ARHGEF11: variants seen among roughly 807,000 people sequenced by gnomAD.
ARHGEF11 encodes the protein Rho guanine exchange factor (GEF) 11.
ARHGEF11 carries 55 observed loss-of-function variants against 193.7 expected under a neutral mutation model. That is an observed-to-expected ratio of 0.28 (90% CI 0.23 to 0.36). The LOEUF (loss-of-function observed/expected upper bound fraction) is 0.36. ARHGEF11 is among the 10% of genes least tolerant of loss of function. The pLI, the probability that ARHGEF11 is intolerant of heterozygous loss-of-function variation, is 1.00. For synonymous variants in ARHGEF11, 693 were observed against 768.0 expected, an observed-to-expected ratio of 0.90 and a Z score of 1.62; for missense variants, 1,723 against 2,005.6, an observed-to-expected ratio of 0.86 and a Z score of 2.69.
chr1:156,941,377 G>A lies in ARHGEF11; in HGVS notation c.3509C>T (p.Pro1170Leu). 1 of 1,613,524 alleles carries A rather than the reference G, an allele frequency of 6.2e-7. No homozygotes were observed. Among genetic ancestry groups the A allele is most frequent in the Non-Finnish European group, 8.5e-7 (1 of 1,179,638 alleles). The change falls in exon 35 of 41, where the codon CCT becomes CTT. Residue 1170 changes from proline (P) to leucine (L), a missense_variant. Around this residue, in one of 5 missense-constraint regions of ARHGEF11, gnomAD observed 203 missense variants for 237.3 expected, o/e 0.86. Transcript: ENST00000368194. The part of the protein sequence containing the change: ...FHGEPEPEEL[P>L]GGTGSQQRVQ... ...GGACAGTTCAGGGCCCTTACCTCCA[G>A]GCAGCTCCTCAGGTTCAGGTTCACC...
intron 11 of ARHGEF11, among the ~76,000 whole-genome samples, chr1:156,967,289 G>A (rs1171959516): frequency 1.3e-5 from 2 of 152,204 alleles, no homozygotes; most frequent in Non-Finnish European, 2.9e-5. Context: ...TGAATATTTA[G>A]ATGTCTAACA....
At position 156,986,096 on chromosome 1, in the gene ARHGEF11, G is replaced by C; in HGVS notation, c.110C>G (p.Ala37Gly). The C allele has an allele frequency of 6.2e-7, 1 of 1,613,800 alleles. No individual in the cohort carries two copies. The highest frequency in any genetic ancestry group is 8.5e-7 in the Non-Finnish European group (1 of 1,179,778). ...SPSHHRQPSD[A>G]SETTGLVQRC... Reference sequence around the variant, plus strand: ...AAGGAGGTTACCTGTTGTCTCAGAGGCATCCGAAGGCTGGCGATGGTGGGA... The same window carrying C: ...AAGGAGGTTACCTGTTGTCTCAGAGCCATCCGAAGGCTGGCGATGGTGGGA... The change falls in exon 2 of 41, where the codon GCC becomes GGC. Residue 37 changes from alanine (A) to glycine (G), a missense_variant. By Grantham distance (60) the Ala-to-Gly change is moderately conservative (BLOSUM62 0). Transcript: ENST00000368194.
At chr1:157,016,219 G>C (rs1323217792) in intron 1 of ARHGEF11, among the ~76,000 whole-genome samples, 5 of 151,922 alleles carry the variant, frequency 3.3e-5, no homozygotes, top group Non-Finnish European at 2.9e-5. Context: ...TAATATTACT[G>C]TTTTTATTTA....
intron 1 of ARHGEF11, among the ~76,000 whole-genome samples, chr1:157,012,440 T>G (rs571256516): frequency 2.0e-5 from 3 of 152,324 alleles, no homozygotes; most frequent in Admixed American, 1.3e-4. Flanking sequence ...TAAAAATCAC[T>G]TAACCATATA....
At chr1:157,039,065 A>G (rs1324386193) in intron 1 of ARHGEF11, among the ~76,000 whole-genome samples, 4 of 152,122 alleles carry the variant, frequency 2.6e-5, no homozygotes, top group African/African-American at 4.8e-5. Flanking sequence ...TTCCAATTCT[A>G]TTAGGGGCCA....
intron 13 of ARHGEF11, among the ~76,000 whole-genome samples, chr1:156,962,841 T>C (rs1283801826): frequency 2.4e-5 from 3 of 125,626 alleles, no homozygotes; most frequent in African/African-American, 9.4e-5. Context: ...ATCGCGCCAC[T>C]GCACTCCAGC....
chr1:156,942,770 G>A lies in ARHGEF11; in HGVS notation c.3246C>T (p.Ala1082=). Residue 1082 remains alanine (A), a synonymous_variant, in exon 33 of 41, where the codon GCC becomes GCT. Coordinates refer to ENST00000368194, the MANE Select transcript of ARHGEF11 (RefSeq NM_198236.3). ...LIRSVATDKR[A]FFIICTSKLG... ...GCTTGGAGGTGCAGATGATGAAGAA[G>A]GCCCGTTTATCTGTGTGAGGAAAGG... The A allele has an allele frequency of 6.2e-7, 1 of 1,614,086 alleles. No individual in the cohort carries two copies.
chr1:156,947,232 C>G (rs1156238431), intron 26 of ARHGEF11, 72 bp downstream of exon 26: 4 of 1,549,518 alleles, frequency 2.6e-6, no homozygotes, highest in Non-Finnish European at 3.5e-6. Flanking sequence ...GAGGTCCTGG[C>G]AGTGGGGCCA....
In ARHGEF11 at chr1:156,943,917, G is replaced by A; in HGVS notation, c.3235+18C>T. On this transcript the variant is annotated intron_variant, in intron 32 of 40. Transcript: ENST00000368194. ...GGTCCCTGAGCCCCAGGCCAGCCTG[G>A]ACCATCTCCCCAGGTACCTGTGGCC... The A allele has an allele frequency of 1.2e-6, 2 of 1,603,042 alleles. No homozygotes were observed. Among genetic ancestry groups the A allele is most frequent in the Admixed American group, 1.7e-5 (1 of 59,282 alleles).
At chr1:156,937,217 G>A (rs759579065) in intron 39 of ARHGEF11, 32 bp downstream of exon 39, 2 of 1,613,164 alleles carry the variant, frequency 1.2e-6, no homozygotes, top group Admixed American at 3.3e-5. Context: ...TGGACTGAAG[G>A]CCTGCAGGGA....
At position 157,044,551 on chromosome 1, in the gene ARHGEF11, T is replaced by TA. The variant is rs1202775496; in HGVS notation, c.-222dup. 1.3e-4 allele frequency: 52 copies of TA among 403,144 alleles called. No individual in the cohort carries two copies. Among genetic ancestry groups the TA allele is most frequent in the South Asian group, 5.6e-4 (6 of 10,648 alleles). The allele number at this position is 403,144 out of a possible 1,614,324, so 25.0% of individuals were successfully genotyped here. On this transcript the variant is annotated 5_prime_UTR_variant, in exon 1 of 41. Transcript: ENST00000368194. ...CAGCCCCTCTTCCCCTCCCCCGCTT[T>TA]AAAAAAAAAGAAAAGAAAAGAAAAA...
chr1:156,967,680 T>C (rs1661881585), intron 11 of ARHGEF11, among the ~76,000 whole-genome samples: 2 of 152,162 alleles, frequency 1.3e-5, no homozygotes, highest in Admixed American at 1.3e-4. Context: ...GGAGAAACAC[T>C]GCCTAAACCT....
At chr1:156,965,432 C>A (rs1221946170) in intron 11 of ARHGEF11, among the ~76,000 whole-genome samples, 1 of 152,198 alleles carries the variant, frequency 6.6e-6, no homozygotes, top group Non-Finnish European at 1.5e-5. Context: ...AGTAACAAGG[C>A]TAGCCCTTGA....
chr1:156,977,987 C>T (rs1663506158), intron 6 of ARHGEF11, among the ~76,000 whole-genome samples: 1 of 152,210 alleles, frequency 6.6e-6, no homozygotes, highest in Middle Eastern at 3.2e-3. Flanking sequence ...TGTGATAAAA[C>T]CTCATATGCA....
chr1:156,936,926 A>T lies in ARHGEF11; in HGVS notation c.4520T>A (p.Phe1507Tyr), dbSNP rs150545454. Residue 1507 changes from phenylalanine to tyrosine, a missense_variant, in exon 40 of 41, where the codon TTC (phenylalanine) becomes TAC (tyrosine). Coordinates refer to ENST00000368194, the MANE Select transcript of ARHGEF11 (RefSeq NM_198236.3). Reference sequence around the variant, plus strand: ...TGTCCATCTAGCTGCTTCTGTGTGGAAACTGCCCACAGGCGTGGTGCCACC... The same window carrying T: ...TGTCCATCTAGCTGCTTCTGTGTGGTAACTGCCCACAGGCGTGGTGCCACC... ...SSGGTTPVGS[F>Y]HTEAARWTDG... is the part of the protein sequence containing the mutation. 1.9e-5 allele frequency: 31 copies of T among 1,613,860 alleles called. No homozygotes were observed. The African/African-American group carries it at 4.0e-4, about 21-fold the overall frequency.
chr1:157,020,617 C>T (rs1331067056), intron 1 of ARHGEF11, among the ~76,000 whole-genome samples: 1 of 152,224 alleles, frequency 6.6e-6, no homozygotes, highest in Non-Finnish European at 1.5e-5. Flanking sequence ...TCCAAACACA[C>T]ATATTAATGG....
At chr1:156,967,846 A>G in intron 11 of ARHGEF11, 141 bp downstream of exon 11, 1 of 1,052,320 alleles carries the variant, frequency 9.5e-7, no homozygotes. Context: ...TTTGCTCTCT[A>G]TGTAAGTGAC....
At chr1:156,942,639 C>T (rs1349327443) in intron 33 of ARHGEF11, 51 bp downstream of exon 33, 7 of 1,543,382 alleles carry the variant, frequency 4.5e-6, no homozygotes, top group Non-Finnish European at 6.3e-6. Flanking sequence ...TAAACACCAC[C>T]CTGGTCCGAA....
intron 30 of ARHGEF11, 69 bp downstream of exon 30, chr1:156,944,950 A>C: frequency 1.3e-6 from 2 of 1,555,736 alleles, no homozygotes; most frequent in Non-Finnish European, 1.7e-6. Flanking sequence ...CCAAGCCCTG[A>C]CCAGTGTTCT....
Sources: gnomAD v4.1 joint callset for allele counts (sites outside exome capture counted in the v4.1 genomes callset) on GRCh38, gnomAD v4.1.1 for gene constraint, gnomAD v4.1.1 regional missense constraint, MANE v1.5 for transcripts, NCBI Gene and HGNC (gene_info 2026-07-23, HGNC 2026-07-21) for gene names.